CNKSR2: variants seen among roughly 807,000 people sequenced by gnomAD.
CNKSR2 encodes the protein connector enhancer of kinase suppressor of Ras 2, also known as CNK homolog protein 2.
CNKSR2 carries 14 observed loss-of-function variants against 84.4 expected under a neutral mutation model. The ratio of observed to expected loss-of-function variants is 0.17; its 90% CI spans 0.11 to 0.26. CNKSR2 has a LOEUF of 0.26. Among genes scored for constraint, CNKSR2 ranks in the 10% least tolerant of loss-of-function variants. The probability of loss-of-function intolerance (pLI) is 1.00; values close to 1 mark genes in which losing one functional copy is unlikely to be tolerated. For synonymous variants in CNKSR2, 275 were observed against 277.9 expected (o/e 0.99, Z 0.10); for missense variants, 485 against 771.2 (o/e 0.63, Z 4.40).
rs113261759 is a variant in CNKSR2 at position 21,581,245 on chromosome X, T to C, written c.1609-9327T>C. ...TTTAAATTATGATCCTGGAAAGTTATTGTTCTATGAGACATACTAAGAACA... is the reference window on the plus strand; with the variant it reads ...TTTAAATTATGATCCTGGAAAGTTACTGTTCTATGAGACATACTAAGAACA... On this transcript the variant is annotated intron_variant, in intron 13 of 21. Coordinates refer to ENST00000379510, the MANE Select transcript of CNKSR2 (RefSeq NM_014927.5). Among the ~76,000 whole-genome samples the C allele has an allele frequency of 9.9e-3, 1,115 of 112,061 alleles. 11 individuals carry two copies. Among genetic ancestry groups the C allele is most frequent in the African/African-American group, 0.034 (1,041 of 30,881 alleles).
At chrX:21,437,248 G>C (rs1161641888) in intron 3 of CNKSR2, among the ~76,000 whole-genome samples, 2 of 110,404 alleles carry the variant, frequency 1.8e-5, no homozygotes, top group African/African-American at 3.3e-5. Context: ...CAAACATGCT[G>C]TGCATCACCT....
intron 2 of CNKSR2, among the ~76,000 whole-genome samples, chrX:21,430,147 T>C (rs145567951): frequency 2.4e-3 from 269 of 111,489 alleles, no homozygotes; most frequent in Non-Finnish European, 4.5e-3. Flanking sequence ...TTTTTTCCTC[T>C]GCATTTCTCT....
chrX:21,619,611 C>T (rs907082428), intron 20 of CNKSR2, among the ~76,000 whole-genome samples: 8 of 110,129 alleles, frequency 7.3e-5, no homozygotes, highest in Non-Finnish European at 1.1e-4. Context: ...TGGCTATTTT[C>T]GTTATAATTT....
At chrX:21,610,049 AC>A (rs1602027700) in intron 20 of CNKSR2, among the ~76,000 whole-genome samples, 1 of 111,977 alleles carries the variant, frequency 8.9e-6, no homozygotes, top group African/African-American at 3.3e-5. Flanking sequence ...ATACACACAC[AC>A]CCACTCACAT....
intron 4 of CNKSR2, among the ~76,000 whole-genome samples, chrX:21,464,902 C>G (rs2091107241): frequency 8.9e-6 from 1 of 112,056 alleles, no homozygotes; most frequent in African/African-American, 3.2e-5. Context: ...TTTCTTCAAC[C>G]TAACATTGGT....
intron 5 of CNKSR2, among the ~76,000 whole-genome samples, chrX:21,478,111 G>GT (rs1316611921): frequency 9.0e-6 from 1 of 111,500 alleles, no homozygotes; most frequent in Non-Finnish European, 1.9e-5. Context: ...GATGAAAAAC[G>GT]TAAGATGCTT....
chrX:21,433,426 T>C (rs2090661874), intron 3 of CNKSR2, among the ~76,000 whole-genome samples: 1 of 111,808 alleles, frequency 8.9e-6, no homozygotes, highest in Non-Finnish European at 1.9e-5. Context: ...ATATACTGTA[T>C]GTGGTTAAAC....
intron 20 of CNKSR2, among the ~76,000 whole-genome samples, chrX:21,614,777 G>C: frequency 9.0e-6 from 1 of 111,242 alleles, no homozygotes. Context: ...TAACTTACAG[G>C]AAGTTCAGAG....
chrX:21,390,684 G>T (rs1182768688), intron 1 of CNKSR2, among the ~76,000 whole-genome samples: 2 of 111,441 alleles, frequency 1.8e-5, no homozygotes, highest in Non-Finnish European at 3.8e-5. Flanking sequence ...ATATCATTCT[G>T]CCCCGGCCTC....
intron 1 of CNKSR2, among the ~76,000 whole-genome samples, chrX:21,393,784 G>T (rs1163465139): frequency 8.9e-6 from 1 of 112,242 alleles, no homozygotes; most frequent in Non-Finnish European, 1.9e-5. Context: ...TGTCTTGTAG[G>T]CTGCTAAGAA....
At chrX:21,454,207 A>G (rs906575846) in intron 4 of CNKSR2, among the ~76,000 whole-genome samples, 2 of 111,976 alleles carry the variant, frequency 1.8e-5, no homozygotes, top group Non-Finnish European at 3.8e-5. Flanking sequence ...ACTAAAAGTC[A>G]TATAGGTTAT....
At chrX:21,490,036 A>T (rs1277369619) in intron 5 of CNKSR2, among the ~76,000 whole-genome samples, 1 of 111,698 alleles carries the variant, frequency 9.0e-6, no homozygotes, top group Non-Finnish European at 1.9e-5. Context: ...TATTTGGAAG[A>T]TTCATCTTTC....
chrX:21,612,776 C>T (rs1339922210), intron 20 of CNKSR2, among the ~76,000 whole-genome samples: 3 of 111,710 alleles, frequency 2.7e-5, no homozygotes, highest in Non-Finnish European at 5.6e-5. Flanking sequence ...TTTCATTTTC[C>T]TTATGGGTAT....
chrX:21,620,432 T>C (rs2092596996), intron 20 of CNKSR2, among the ~76,000 whole-genome samples: 1 of 111,211 alleles, frequency 9.0e-6, no homozygotes, highest in Non-Finnish European at 1.9e-5. Context: ...AGTCATGCTG[T>C]ATGTAAATAT....
rs2090635498 is a variant in CNKSR2 at position 21,431,681 on chromosome X, A to T, written c.229-931A>T. Reference sequence around the variant, plus strand: ...TTTTAAGGGGTGTTTTACAACACACAATTAGCTGCTTTACATTTTAATTGT... The same window carrying T: ...TTTTAAGGGGTGTTTTACAACACACTATTAGCTGCTTTACATTTTAATTGT... On this transcript the variant is annotated intron_variant, in intron 2 of 21. Transcript: ENST00000379510. Among the ~76,000 whole-genome samples the T allele has an allele frequency of 3.6e-5, 4 of 112,051 alleles. No individual in the cohort carries two copies. In the South Asian group the frequency reaches 1.5e-3, roughly 41 times the overall value.
chrX:21,435,844 A>G (rs536856912), intron 3 of CNKSR2, among the ~76,000 whole-genome samples: 8 of 111,608 alleles, frequency 7.2e-5, no homozygotes, highest in African/African-American at 2.6e-4. Flanking sequence ...CATTTTTACC[A>G]GTAATACCCA....
chrX:21,580,748 A>G (rs2092348021), intron 13 of CNKSR2, among the ~76,000 whole-genome samples: 1 of 111,444 alleles, frequency 9.0e-6, no homozygotes, highest in Non-Finnish European at 1.9e-5. Context: ...TTATTCCTCT[A>G]TTTCTTTTAC....
chrX:21,451,592 G>A (rs1025241290), intron 4 of CNKSR2, among the ~76,000 whole-genome samples: 12 of 104,388 alleles, frequency 1.1e-4, no homozygotes, highest in Middle Eastern at 9.8e-3. Flanking sequence ...GTAAACTATC[G>A]CAAGGACAAA....
intron 13 of CNKSR2, among the ~76,000 whole-genome samples, chrX:21,569,039 A>G (rs772203392): frequency 8.9e-5 from 10 of 112,003 alleles, no homozygotes; most frequent in Non-Finnish European, 1.7e-4. Context: ...GAATATTACA[A>G]TAAAGCAAGT....
Sources: gnomAD v4.1 joint callset for allele counts (sites outside exome capture counted in the v4.1 genomes callset) on GRCh38, gnomAD v4.1.1 for gene constraint, MANE v1.5 for transcripts, NCBI Gene and HGNC (gene_info 2026-07-23, HGNC 2026-07-21) for gene names.